Variants in ASTN1 observed in about 807,000 individuals in gnomAD.
The protein encoded by ASTN1 is astrotactin-1.
A neutral mutation model predicts 140.7 loss-of-function variants in ASTN1; 41 were observed. That is an observed-to-expected ratio of 0.29 (90% CI 0.23 to 0.38). The LOEUF (loss-of-function observed/expected upper bound fraction) is 0.38, where lower values mean the gene tolerates loss of function less well. Among genes scored for constraint, ASTN1 ranks in the 10% least tolerant of loss-of-function variants. The pLI is 1.00. For synonymous variants in ASTN1, 640 were observed against 652.2 expected (o/e 0.98, Z 0.29); for missense variants, 1,479 against 1,678.8 (o/e 0.88, Z 2.08).
intron 8 of ASTN1, among the ~76,000 whole-genome samples, chr1:176,991,223 G>A (rs1169156250): frequency 6.6e-6 from 1 of 152,008 alleles, no homozygotes; most frequent in African/African-American, 2.4e-5. Flanking sequence ...AGACCAGCCT[G>A]GCCAACATGG....
In ASTN1 at chr1:176,893,887, C is replaced by T. The variant is rs532061995; in HGVS notation, c.2940+675G>A. On this transcript the variant is annotated intron_variant, in intron 17 of 22. Coordinates refer to ENST00000361833, the MANE Select transcript of ASTN1 (RefSeq NM_004319.3). ...AGGGGCTGAGCTATGGCTTCTGACA[C>T]AGTTCTCCAGCCCTTCTTTTTGGTT... Among the ~76,000 whole-genome samples the T allele has an allele frequency of 3.3e-5, 5 of 152,324 alleles. No homozygotes were observed. The East Asian group carries it at 9.6e-4, about 29-fold the overall frequency.
chr1:177,006,022 C>T (rs1012030456), intron 8 of ASTN1, among the ~76,000 whole-genome samples: 1 of 152,142 alleles, frequency 6.6e-6, no homozygotes, highest in Non-Finnish European at 1.5e-5. Context: ...GATGGTGTTC[C>T]TACAACCTCT....
At chr1:177,029,030 C>T (rs937447468) in intron 5 of ASTN1, among the ~76,000 whole-genome samples, 1 of 152,154 alleles carries the variant, frequency 6.6e-6, no homozygotes, top group African/African-American at 2.4e-5. Flanking sequence ...AAGTGGCACA[C>T]AGTGGCTGCG....
chr1:177,130,651 C>T (rs1031598874), intron 1 of ASTN1, among the ~76,000 whole-genome samples: 1 of 152,138 alleles, frequency 6.6e-6, no homozygotes, highest in African/African-American at 2.4e-5. Flanking sequence ...AGGGCCACAC[C>T]CTTCAAGTAA....
At chr1:177,099,232 T>C (rs1680188691) in intron 1 of ASTN1, among the ~76,000 whole-genome samples, 2 of 152,204 alleles carry the variant, frequency 1.3e-5, no homozygotes, top group Admixed American at 1.3e-4. Flanking sequence ...TCCAAAAGCA[T>C]CATTCTTACC....
intron 17 of ASTN1, among the ~76,000 whole-genome samples, chr1:176,893,002 G>T (rs889363098): frequency 6.6e-6 from 1 of 152,212 alleles, no homozygotes; most frequent in Non-Finnish European, 1.5e-5. Flanking sequence ...TAAAACTGGT[G>T]CAGGGAGAAA....
chr1:177,075,645 C>CTTTTTTTTTTTTTTTTTTTTTTTTT (rs5778927), intron 1 of ASTN1, among the ~76,000 whole-genome samples: 2 of 99,548 alleles, frequency 2.0e-5, no homozygotes, highest in African/African-American at 4.2e-5. Context: ...CTTTTCTTTT[C>CTTTTTTTTTTTTTTTTTTTTTTTTT]TTTTTTTTTT....
chr1:176,992,533 G>C (rs1674238067), intron 8 of ASTN1, among the ~76,000 whole-genome samples: 3 of 152,166 alleles, frequency 2.0e-5, no homozygotes, highest in African/African-American at 7.2e-5. Context: ...ACGTGAAGAA[G>C]CAAGCTAGAT....
intron 8 of ASTN1, among the ~76,000 whole-genome samples, chr1:176,986,609 C>T (rs1163155598): frequency 1.3e-5 from 2 of 151,892 alleles, no homozygotes; most frequent in Admixed American, 6.6e-5. Context: ...TTTCTTGTCA[C>T]TCAGTATAGT....
At chr1:176,910,867 T>A (rs1670206245) in intron 16 of ASTN1, among the ~76,000 whole-genome samples, 2 of 152,214 alleles carry the variant, frequency 1.3e-5, no homozygotes, top group Admixed American at 6.5e-5. Flanking sequence ...AATGCAACTC[T>A]ATTGTGAACT....
chr1:177,158,831 G>C (rs1271531812), intron 1 of ASTN1, among the ~76,000 whole-genome samples: 1 of 151,338 alleles, frequency 6.6e-6, no homozygotes. Context: ...GCCGAGGTGG[G>C]TGGATCATTT....
chr1:176,993,697 C>G (rs1473967429), intron 8 of ASTN1, among the ~76,000 whole-genome samples: 1 of 152,166 alleles, frequency 6.6e-6, no homozygotes, highest in Admixed American at 6.6e-5. Flanking sequence ...CATTAGTACT[C>G]TGGTAATCTA....
chr1:177,164,548 C>A lies in ASTN1; in HGVS notation c.129G>T (p.Ser43=), dbSNP rs145047173. The A allele has an allele frequency of 7.4e-5, 120 of 1,613,890 alleles. No individual in the cohort carries two copies. The African/African-American group carries it at 1.3e-3, about 18-fold the overall frequency. ...CGTTCTCGCGCAGGAAGGGCAGTGC[C>A]GACACCGTGATGCTTTTGAGCTTGC... ...LECKLKSITV[S]ALPFLRENDL... The change falls in exon 1 of 23, where the codon TCG becomes TCT. Residue 43 remains serine (S), a synonymous_variant. Transcript: ENST00000361833.
chr1:177,130,129 T>C lies in ASTN1; in HGVS notation c.283+34265A>G, dbSNP rs548546968. Among the ~76,000 whole-genome samples, 11 of 152,332 alleles carry C rather than the reference T, an allele frequency of 7.2e-5. No homozygotes were observed. In the East Asian group the frequency reaches 2.1e-3, roughly 29 times the overall value. On this transcript the variant is annotated intron_variant, in intron 1 of 22. Transcript: ENST00000361833. ...TCCCTTTCATGGCTAAACCTTACTT[T>C]GTAAACTCATCTACCTTTGCAAATA...
intron 8 of ASTN1, among the ~76,000 whole-genome samples, chr1:176,978,067 T>C (rs1392110922): frequency 6.6e-6 from 1 of 152,166 alleles, no homozygotes; most frequent in African/African-American, 2.4e-5. Context: ...CTTCGAAGGA[T>C]GCACTGAGTC....
At chr1:177,099,007 C>T (rs1469876839) in intron 1 of ASTN1, among the ~76,000 whole-genome samples, 2 of 152,160 alleles carry the variant, frequency 1.3e-5, no homozygotes, top group Non-Finnish European at 2.9e-5. Context: ...ATTCATGAGG[C>T]TCTGTCTCTT....
intron 1 of ASTN1, among the ~76,000 whole-genome samples, chr1:177,120,307 T>G (rs1022641457): frequency 6.6e-6 from 1 of 152,130 alleles, no homozygotes; most frequent in Admixed American, 6.5e-5. Context: ...GTAAAAACAC[T>G]ACAGAAATCA....
intron 1 of ASTN1, among the ~76,000 whole-genome samples, chr1:177,152,814 G>T (rs1270541622): frequency 6.6e-6 from 1 of 152,112 alleles, no homozygotes; most frequent in Non-Finnish European, 1.5e-5. Flanking sequence ...CTAGCCCTAT[G>T]AGATATGAAA....
chr1:177,133,992 C>G (rs1055273178), intron 1 of ASTN1, among the ~76,000 whole-genome samples: 5 of 152,136 alleles, frequency 3.3e-5, no homozygotes, highest in Admixed American at 3.3e-4. Context: ...GTTATGCCTA[C>G]AGTAGTCACC....
Sources: gnomAD v4.1 joint callset for allele counts (sites outside exome capture counted in the v4.1 genomes callset) on GRCh38, gnomAD v4.1.1 for gene constraint, MANE v1.5 for transcripts, NCBI Gene and HGNC (gene_info 2026-07-23, HGNC 2026-07-21) for gene names.